Variants in DNAH5 observed in about 807,000 individuals in gnomAD.
The protein encoded by DNAH5 is dynein axonemal heavy chain 5.
Under a neutral mutation model 518.2 loss-of-function variants are expected in DNAH5, and 372 were observed. The observed-to-expected ratio is 0.72, with a 90% CI of 0.66 to 0.78. The LOEUF (loss-of-function observed/expected upper bound fraction) is 0.78. Ranked by LOEUF, DNAH5 falls within the 30% of genes least tolerant of loss-of-function variation. DNAH5 has a pLI of 0.00. For missense variants in DNAH5, 5,523 were observed against 5,687.0 expected (o/e 0.97, Z 0.93); for synonymous variants, 2,039 against 2,025.9 (o/e 1.01, Z -0.17).
intron 14 of DNAH5, 91 bp downstream of exon 14, chr5:13,901,161 T>C: frequency 7.1e-7 from 1 of 1,407,638 alleles, no homozygotes; most frequent in Non-Finnish European, 9.8e-7. Flanking sequence ...CACCTACAAA[T>C]CCAGCTTTCT....
intron 32 of DNAH5, among the ~76,000 whole-genome samples, 198 bp downstream of exon 32, chr5:13,844,639 G>A (rs1765720956): frequency 6.6e-6 from 1 of 150,946 alleles, no homozygotes; most frequent in Non-Finnish European, 1.5e-5. Context: ...TTTTTAATTT[G>A]AATCTACACT....
At chr5:13,897,298 T>G (rs1206312604) in intron 15 of DNAH5, among the ~76,000 whole-genome samples, 1 of 152,260 alleles carries the variant, frequency 6.6e-6, no homozygotes, top group Non-Finnish European at 1.5e-5. Context: ...CTGCTTGTTT[T>G]TTTTCAATGT....
In DNAH5 at chr5:14,009,022, A is replaced by G. The variant is rs988909804; in HGVS notation, c.12+2626T>C. 4.6e-5 allele frequency among the ~76,000 whole-genome samples: 7 copies of G among 152,210 alleles called. No homozygotes were observed. The South Asian group carries it at 6.2e-4, about 14-fold the overall frequency. ...TTTCCTGGCAGGACTGTAACTCAAC[A>G]TTCTGGGAAATACAAATATCCCTGG... is the stretch of plus-strand genomic sequence containing the variant. On this transcript the variant is annotated intron_variant, in intron 1 of 78. Coordinates refer to the DNAH5 transcript ENST00000681290.
At chr5:13,913,299 T>A (rs1256101314) in intron 11 of DNAH5, among the ~76,000 whole-genome samples, 2 of 152,066 alleles carry the variant, frequency 1.3e-5, no homozygotes, top group African/African-American at 4.8e-5. Flanking sequence ...ACATCTAGAA[T>A]AAAATCAGGT....
chr5:13,763,933 A>C lies in DNAH5; in HGVS notation c.10102-1032T>G, dbSNP rs143934810. On this transcript the variant is annotated intron_variant, in intron 59 of 78. Coordinates refer to ENST00000265104, the MANE Select transcript of DNAH5 (RefSeq NM_001369.3). ...TCCAAGTCTATTGGCAGAGTCTCAT[A>C]TTATAATTATCTGGGACAAGTCTGT... Among the ~76,000 whole-genome samples the C allele has an allele frequency of 1.8e-4, 27 of 152,310 alleles. No homozygotes were observed. In the East Asian group the frequency reaches 4.2e-3, roughly 24 times the overall value.
At chr5:13,817,456 A>T in intron 42 of DNAH5, 92 bp downstream of exon 42, 1 of 1,313,130 alleles carries the variant, frequency 7.6e-7, no homozygotes, top group Admixed American at 1.8e-5. Context: ...GATATTATAC[A>T]GCAAATACAG....
At chr5:13,976,766 T>C (rs1033134193) in intron 1 of DNAH5, among the ~76,000 whole-genome samples, 2 of 150,952 alleles carry the variant, frequency 1.3e-5, no homozygotes, top group Non-Finnish European at 2.9e-5. Flanking sequence ...CAGGCTGTGG[T>C]TTCAGGCATC....
At chr5:13,851,130 G>T (rs1766779255) in intron 30 of DNAH5, among the ~76,000 whole-genome samples, 1 of 151,870 alleles carries the variant, frequency 6.6e-6, no homozygotes, top group African/African-American at 2.4e-5. Context: ...TCTTTTCACA[G>T]GTTATCTCTA....
intron 5 of DNAH5, among the ~76,000 whole-genome samples, chr5:13,921,423 TCC>T (rs1330431490): frequency 8.1e-6 from 1 of 122,966 alleles, no homozygotes. Context: ...TCTCTCTCTC[TCC>T]CTCTCTCTCT....
intron 29 of DNAH5, chr5:13,860,561 T>C (rs1393667201): frequency 6.6e-6 from 1 of 152,108 alleles, no homozygotes; most frequent in Non-Finnish European, 1.5e-5. Flanking sequence ...GAAATGTGAG[T>C]AGTGGCATTG....
chr5:13,868,928 C>T (rs1580673669), intron 24 of DNAH5, among the ~76,000 whole-genome samples: 2 of 152,198 alleles, frequency 1.3e-5, no homozygotes, highest in African/African-American at 2.4e-5. Flanking sequence ...TTATGTCTTC[C>T]GAATAACTTC....
chr5:13,789,037 G>A (rs1756527859), intron 50 of DNAH5, 123 bp from the exon 51 acceptor site: 2 of 856,866 alleles, frequency 2.3e-6, no homozygotes, highest in Non-Finnish European at 3.7e-6. Context: ...AAAAAGTTAG[G>A]GTTCAAATAT....
chr5:13,720,100 A>G (rs1744840816), intron 71 of DNAH5, among the ~76,000 whole-genome samples: 2 of 114,746 alleles, frequency 1.7e-5, no homozygotes, highest in Admixed American at 1.7e-4. Flanking sequence ...TCTTTCAAAA[A>G]GAAAAAACAC....
intron 50 of DNAH5, among the ~76,000 whole-genome samples, chr5:13,790,519 C>T (rs1174549519): frequency 7.9e-5 from 12 of 152,176 alleles, no homozygotes; most frequent in Non-Finnish European, 4.4e-5. Context: ...ATAATCCCCA[C>T]ATGTCAAGGG....
At chr5:13,712,880 T>C (rs963645269) in intron 75 of DNAH5, among the ~76,000 whole-genome samples, 4 of 152,082 alleles carry the variant, frequency 2.6e-5, no homozygotes, top group African/African-American at 9.7e-5. Context: ...GGTGGGAATG[T>C]AAACTAGAAC....
At chr5:13,941,955 T>C (rs535453870) in intron 1 of DNAH5, among the ~76,000 whole-genome samples, 225 of 152,356 alleles carry the variant, frequency 1.5e-3, no homozygotes, top group African/African-American at 5.0e-3. Context: ...AACAAAGTTA[T>C]AGACTTCAGT....
At position 13,823,036 on chromosome 5, in the gene DNAH5, C is replaced by T. The variant is rs529506526; in HGVS notation, c.6687+227G>A. 4.5e-4 allele frequency among the ~76,000 whole-genome samples: 68 copies of T among 152,320 alleles called. No individual in the cohort carries two copies. In the South Asian group the frequency reaches 5.4e-3, roughly 12 times the overall value. ...GGTTTCCACCAATAATAGGGCTACTCGCACATGACTAGCTGGACATGTGGC... is the reference window on the plus strand; with the variant it reads ...GGTTTCCACCAATAATAGGGCTACTTGCACATGACTAGCTGGACATGTGGC... On this transcript the variant is annotated intron_variant, in intron 40 of 78. Coordinates refer to ENST00000265104, the MANE Select transcript of DNAH5 (RefSeq NM_001369.3).
chr5:13,771,849 G>T (rs1169201542), intron 55 of DNAH5, among the ~76,000 whole-genome samples: 2 of 152,144 alleles, frequency 1.3e-5, no homozygotes, highest in East Asian at 1.9e-4. Context: ...AAATGGGAGA[G>T]AAATGAATCA....
At chr5:13,950,290 A>ATT (rs201661940) in intron 1 of DNAH5, among the ~76,000 whole-genome samples, 3 of 148,698 alleles carry the variant, frequency 2.0e-5, no homozygotes, top group African/African-American at 7.4e-5. Flanking sequence ...TGATACTTGT[A>ATT]TTTTTTTTTT....
Sources: allele counts gnomAD v4.1 joint callset (sites outside exome capture counted in the v4.1 genomes callset), GRCh38; gene constraint gnomAD v4.1.1; transcripts MANE v1.5; gene names NCBI Gene and HGNC (gene_info 2026-07-23, HGNC 2026-07-21).